Variants in SMAP1 observed in about 807,000 individuals in gnomAD.
SMAP1 encodes the protein small ArfGAP 1.
In SMAP1, 24 loss-of-function variants were observed where a neutral mutation model predicts 58.5. The ratio of observed to expected loss-of-function variants is 0.41; its 90% CI spans 0.30 to 0.58. The LOEUF is 0.58. SMAP1 is among the 20% of genes least tolerant of loss of function. SMAP1 has a pLI of 0.29. For synonymous variants in SMAP1, 216 were observed against 196.6 expected, an observed-to-expected ratio of 1.10 and a Z score of -0.82; for missense variants, 563 against 566.3, an observed-to-expected ratio of 0.99 and a Z score of 0.06.
At chr6:70,794,061 T>C (rs1297169343) in intron 5 of SMAP1, among the ~76,000 whole-genome samples, 1 of 150,794 alleles carries the variant, frequency 6.6e-6, no homozygotes. Context: ...CACTCAAGTA[T>C]AGTTTGATTA....
At chr6:70,760,078 A>G (rs573064793) in intron 3 of SMAP1, among the ~76,000 whole-genome samples, 2 of 152,106 alleles carry the variant, frequency 1.3e-5, no homozygotes, top group Non-Finnish European at 2.9e-5. Flanking sequence ...CTTGAGTATT[A>G]TTTAATGATG....
chr6:70,794,282 A>T (rs931860062), intron 5 of SMAP1, among the ~76,000 whole-genome samples: 10 of 152,314 alleles, frequency 6.6e-5, no homozygotes, highest in African/African-American at 2.4e-4. Flanking sequence ...GTACTTTTAG[A>T]TCTTTTAGCA....
intron 1 of SMAP1, among the ~76,000 whole-genome samples, chr6:70,712,782 T>A (rs1036895498): frequency 3.4e-5 from 5 of 148,014 alleles, no homozygotes; most frequent in African/African-American, 5.2e-5. Flanking sequence ...CTTTTCTTTT[T>A]TCTTTTTTTC....
At position 70,732,371 on chromosome 6, in the gene SMAP1, A is replaced by T; in HGVS notation, c.119-7A>T. On this transcript the variant is annotated splice_region_variant and splice_polypyrimidine_tract_variant and intron_variant, in intron 1 of 10. Coordinates refer to ENST00000370455, the MANE Select transcript of SMAP1 (RefSeq NM_001044305.3). ...GCTTTTTTTTGTGGTTTCTTCTTCT[A>T]AATTAGGTCCTCGATGGGCTTCCTG... is the stretch of plus-strand genomic sequence containing the variant. 1 of 1,601,654 alleles carries T rather than the reference A, an allele frequency of 6.2e-7. No individual in the cohort carries two copies. Among genetic ancestry groups the T allele is most frequent in the Non-Finnish European group, 8.5e-7 (1 of 1,174,990 alleles).
At chr6:70,731,339 T>A (rs1260447728) in intron 1 of SMAP1, among the ~76,000 whole-genome samples, 1 of 152,256 alleles carries the variant, frequency 6.6e-6, no homozygotes, top group Non-Finnish European at 1.5e-5. Flanking sequence ...CTAAGACTTG[T>A]ATTCTTGTAT....
Position 70,737,343 on chromosome 6 carries a change from C to T in SMAP1, c.252+4832C>T, listed in dbSNP as rs12200130. 5.0e-3 allele frequency among the ~76,000 whole-genome samples: 762 copies of T among 152,160 alleles called. 3 individuals carry two copies. Among genetic ancestry groups the T allele is most frequent in the Non-Finnish European group, 8.4e-3 (569 of 68,006 alleles). On this transcript the variant is annotated intron_variant, in intron 2 of 10. Transcript: ENST00000370455. ...TGTATTTTTAGTAGAGACAGGGTTT[C>T]GTCATGTTGGCCCGGCTGGTCTCAG...
intron 4 of SMAP1, among the ~76,000 whole-genome samples, chr6:70,776,934 T>C (rs1767571340): frequency 1.3e-5 from 2 of 152,244 alleles, no homozygotes; most frequent in Non-Finnish European, 1.5e-5. Flanking sequence ...CTATTGTGAA[T>C]AGAGCTGCAG....
At chr6:70,669,624 C>T (rs932920220) in intron 1 of SMAP1, among the ~76,000 whole-genome samples, 28 of 152,148 alleles carry the variant, frequency 1.8e-4, no homozygotes, top group African/African-American at 6.3e-4. Flanking sequence ...GGCTCAGTTG[C>T]TTGCTCATTG....
chr6:70,804,005 C>T (rs2149960196), intron 6 of SMAP1, among the ~76,000 whole-genome samples: 1 of 152,152 alleles, frequency 6.6e-6, no homozygotes, highest in African/African-American at 2.4e-5. Flanking sequence ...TTATTAGGTC[C>T]ACTTGGTGCA....
chr6:70,771,633 G>A (rs545559062), intron 3 of SMAP1, among the ~76,000 whole-genome samples: 2 of 152,262 alleles, frequency 1.3e-5, no homozygotes, highest in East Asian at 3.9e-4. Context: ...GGAGTGACCC[G>A]ATTTTCCAGG....
chr6:70,763,633 A>G (rs905453671), intron 3 of SMAP1, among the ~76,000 whole-genome samples: 2 of 152,208 alleles, frequency 1.3e-5, no homozygotes, highest in Non-Finnish European at 2.9e-5. Context: ...TATTGCACCA[A>G]ATAGTCAAGT....
chr6:70,721,021 G>C (rs1477973280), intron 1 of SMAP1, among the ~76,000 whole-genome samples: 2 of 152,178 alleles, frequency 1.3e-5, no homozygotes, highest in African/African-American at 4.8e-5. Flanking sequence ...GAGAGAAAAG[G>C]ACTTGTTCTA....
intron 1 of SMAP1, among the ~76,000 whole-genome samples, chr6:70,672,431 A>G (rs1209389987): frequency 2.0e-5 from 3 of 152,186 alleles, no homozygotes; most frequent in African/African-American, 4.8e-5. Flanking sequence ...TTCAAGGGAA[A>G]TAATTCTCCT....
At chr6:70,668,315 T>TCCGCCAGAGGCGGCGGCGAGGTCAGGC (rs1766118463) in intron 1 of SMAP1, among the ~76,000 whole-genome samples, 174 bp downstream of exon 1, 3 of 151,638 alleles carry the variant, frequency 2.0e-5, no homozygotes, top group Non-Finnish European at 2.9e-5. Flanking sequence ...GACCCTCAAG[T>TCCGCCAGAGGCGGCGGCGAGGTCAGGC]CCGCCAGAGG....
chr6:70,784,377 G>A (rs1262521777), intron 4 of SMAP1, among the ~76,000 whole-genome samples: 2 of 152,112 alleles, frequency 1.3e-5, no homozygotes, highest in Non-Finnish European at 2.9e-5. Context: ...TTCAAGGCTA[G>A]GAAGAAACTG....
At chr6:70,791,974 T>A (rs975075848) in intron 5 of SMAP1, among the ~76,000 whole-genome samples, 1 of 152,290 alleles carries the variant, frequency 6.6e-6, no homozygotes. Flanking sequence ...AATGACTGAT[T>A]TATTGGTGCC....
intron 1 of SMAP1, among the ~76,000 whole-genome samples, chr6:70,729,981 T>C (rs986196373): frequency 4.6e-5 from 7 of 152,192 alleles, no homozygotes; most frequent in Non-Finnish European, 8.8e-5. Context: ...TTTCATGATA[T>C]TTCCAGTTGA....
intron 3 of SMAP1, among the ~76,000 whole-genome samples, chr6:70,766,275 T>G (rs1419253988): frequency 1.3e-5 from 2 of 152,232 alleles, no homozygotes; most frequent in African/African-American, 4.8e-5. Flanking sequence ...ATGGGATGGC[T>G]GGGTCAAATG....
At chr6:70,783,673 G>A (rs1373813954) in intron 4 of SMAP1, among the ~76,000 whole-genome samples, 3 of 152,160 alleles carry the variant, frequency 2.0e-5, no homozygotes, top group Non-Finnish European at 4.4e-5. Flanking sequence ...CTCAGGAGCC[G>A]ATGCGATCAA....
Sources: allele counts gnomAD v4.1 joint callset (sites outside exome capture counted in the v4.1 genomes callset), GRCh38; gene constraint gnomAD v4.1.1; transcripts MANE v1.5; gene names NCBI Gene and HGNC (gene_info 2026-07-23, HGNC 2026-07-21).